Variants in PPP4R2 observed in about 807,000 individuals in gnomAD.
PPP4R2 encodes the protein serine/threonine-protein phosphatase 4 regulatory subunit 2.
Under a neutral mutation model 47.2 loss-of-function variants are expected in PPP4R2, and 13 were observed. The ratio of observed to expected loss-of-function variants is 0.28; its 90% CI spans 0.18 to 0.44. PPP4R2 has a LOEUF of 0.44. Ranked by LOEUF, PPP4R2 falls within the 20% of genes least tolerant of loss-of-function variation. The pLI is 1.00. For missense variants in PPP4R2, 421 were observed against 491.2 expected (o/e 0.86, Z 1.35); for synonymous variants, 151 against 163.3 (o/e 0.92, Z 0.57).
intron 2 of PPP4R2, among the ~76,000 whole-genome samples, chr3:73,042,361 CTTTTTTTTTTTTT>C (rs10709279): frequency 1.3e-5 from 1 of 75,928 alleles, no homozygotes; most frequent in African/African-American, 4.7e-5. Flanking sequence ...AATATAATTT[CTTTTTTTTTTTTT>C]TTTTTTTTGA....
intron 2 of PPP4R2, among the ~76,000 whole-genome samples, chr3:72,998,549 T>C (rs1459920352): frequency 6.6e-6 from 1 of 152,192 alleles, no homozygotes; most frequent in African/African-American, 2.4e-5. Context: ...TATTTTCTCA[T>C]ATTGTCGTGT....
At chr3:73,051,583 C>T (rs777554423) in intron 3 of PPP4R2, among the ~76,000 whole-genome samples, 23 of 152,018 alleles carry the variant, frequency 1.5e-4, no homozygotes, top group Non-Finnish European at 2.5e-4. Flanking sequence ...AAAGATTATC[C>T]GCTTTCTAAA....
At chr3:73,056,665 C>A (rs1177304716) in intron 3 of PPP4R2, among the ~76,000 whole-genome samples, 1 of 152,136 alleles carries the variant, frequency 6.6e-6, no homozygotes, top group Non-Finnish European at 1.5e-5. Context: ...AGAACTTAAA[C>A]TCGTTTTATC....
chr3:73,050,959 G>A (rs976646502), intron 3 of PPP4R2, among the ~76,000 whole-genome samples: 5 of 152,106 alleles, frequency 3.3e-5, no homozygotes, highest in African/African-American at 1.2e-4. Context: ...TTGCTGCTCA[G>A]GCTGGAGTGC....
Position 73,047,261 on chromosome 3 carries a change from T to A in PPP4R2, c.192T>A (p.Ala64=). The A allele has an allele frequency of 6.2e-7, 1 of 1,607,938 alleles. No individual in the cohort carries two copies. The highest frequency in any genetic ancestry group is 1.1e-5 in the South Asian group (1 of 90,336). Reference sequence around the variant, plus strand: ...TGATGGATGATTTCAGAACTTCAGCTCCTGAGCCAAGAGGTCCTCCCAACC... The same window carrying A: ...TGATGGATGATTTCAGAACTTCAGCACCTGAGCCAAGAGGTCCTCCCAACC... ...EKVMDDFRTS[A]PEPRGPPNPN... Residue 64 remains alanine (A), a synonymous_variant, in exon 3 of 9, where the codon GCT becomes GCA. Transcript: ENST00000356692.
At chr3:73,018,069 G>A (rs1701876580) in intron 2 of PPP4R2, among the ~76,000 whole-genome samples, 2 of 152,142 alleles carry the variant, frequency 1.3e-5, no homozygotes, top group Admixed American at 1.3e-4. Flanking sequence ...AGGAGGTATG[G>A]TCACTCTATT....
At chr3:73,021,233 ATT>A (rs1225973970) in intron 2 of PPP4R2, among the ~76,000 whole-genome samples, 39 of 56,014 alleles carry the variant, frequency 7.0e-4, no homozygotes, top group African/African-American at 1.8e-3. Context: ...TTAAAAAAAA[ATT>A]TTTTTTTTTT....
intron 5 of PPP4R2, chr3:73,062,040 A>G: frequency 7.0e-7 from 1 of 1,425,782 alleles, no homozygotes; most frequent in Non-Finnish European, 9.4e-7. Flanking sequence ...GTATTTTGGA[A>G]AAATGGTAAA....
At chr3:73,043,215 C>T (rs903515933) in intron 2 of PPP4R2, among the ~76,000 whole-genome samples, 1 of 152,026 alleles carries the variant, frequency 6.6e-6, no homozygotes, top group Non-Finnish European at 1.5e-5. Context: ...TGTGGAGAGT[C>T]TCATAAAATT....
chr3:73,037,067 G>C (rs1702277972), intron 2 of PPP4R2, among the ~76,000 whole-genome samples: 1 of 152,004 alleles, frequency 6.6e-6, no homozygotes, highest in Non-Finnish European at 1.5e-5. Flanking sequence ...AATGATTATT[G>C]TCTTCTTTGC....
At chr3:73,005,761 G>A (rs13094063) in intron 2 of PPP4R2, among the ~76,000 whole-genome samples, 57,094 of 149,006 alleles carry the variant, frequency 0.38, 11,303 homozygotes, top group African/African-American at 0.44. Context: ...GATCCCGGGA[G>A]GCAGAGGTTA....
chr3:73,017,660 G>A (rs943959219), intron 2 of PPP4R2, among the ~76,000 whole-genome samples: 7 of 152,144 alleles, frequency 4.6e-5, no homozygotes, highest in Non-Finnish European at 5.9e-5. Context: ...ATGCATTTTG[G>A]AAACTCTTGA....
At position 73,023,433 on chromosome 3, in the gene PPP4R2, G is replaced by A. The variant is rs139802729; in HGVS notation, c.117-23753G>A. Among the ~76,000 whole-genome samples, 883 of 152,140 alleles carry A rather than the reference G, an allele frequency of 5.8e-3. 14 individuals carry two copies. Among genetic ancestry groups the A allele is most frequent in the African/African-American group, 0.02 (835 of 41,522 alleles). On this transcript the variant is annotated intron_variant, in intron 2 of 8. Transcript: ENST00000356692. ...ACTGCTGACCTCAGGTGATCCACCC[G>A]CCTTGGCCTCACAAAGTGCTGGGAT...
At chr3:73,030,041 T>A (rs1702139567) in intron 2 of PPP4R2, among the ~76,000 whole-genome samples, 1 of 152,138 alleles carries the variant, frequency 6.6e-6, no homozygotes, top group African/African-American at 2.4e-5. Flanking sequence ...AGGACTTTTA[T>A]TACAAAGCAC....
chr3:73,003,359 G>C (rs1424443050), intron 2 of PPP4R2, among the ~76,000 whole-genome samples: 1 of 151,568 alleles, frequency 6.6e-6, no homozygotes, highest in East Asian at 2.0e-4. Context: ...TTACTGGCAC[G>C]TGCCACCATT....
rs1383653630 is a variant in PPP4R2, at chr3:73,016,739, A to AT, written c.116+18583dup. ...CTTTATTGGTTCATTGTTTATTTTTATTATTTTTTTTTTTTAATACAGAGT... is the reference window on the plus strand; with the variant it reads ...CTTTATTGGTTCATTGTTTATTTTTATTTATTTTTTTTTTTTAATACAGAGT... On this transcript the variant is annotated intron_variant, in intron 2 of 8. Coordinates refer to ENST00000356692, the MANE Select transcript of PPP4R2 (RefSeq NM_174907.4). Among the ~76,000 whole-genome samples the AT allele has an allele frequency of 1.4e-4, 14 of 98,514 alleles. 1 individual carries two copies. The highest frequency in any genetic ancestry group is 5.6e-4 in the African/African-American group (13 of 23,096). The allele number at this position is 98,514 out of a possible 152,430, so 64.6% of individuals were successfully genotyped here.
chr3:73,016,813 CTTTTT>C (rs1207946652), intron 2 of PPP4R2, among the ~76,000 whole-genome samples: 28,463 of 69,854 alleles, frequency 0.41, 4,674 homozygotes, highest in Non-Finnish European at 0.44. Flanking sequence ...TTCATTGTTT[CTTTTT>C]TTTTTTTTTT....
chr3:73,031,851 CT>C (rs1702170652), intron 2 of PPP4R2, among the ~76,000 whole-genome samples: 1 of 152,204 alleles, frequency 6.6e-6, no homozygotes, highest in Non-Finnish European at 1.5e-5. Flanking sequence ...TCTCCCCATC[CT>C]GAGTTTCTTG....
At chr3:72,997,097 T>C (rs1262899058) in intron 1 of PPP4R2, 26 bp downstream of exon 1, 9 of 1,360,064 alleles carry the variant, frequency 6.6e-6, no homozygotes, top group Non-Finnish European at 7.7e-6. Flanking sequence ...CCCTCTCCAT[T>C]CCCCCTCACC....
Sources: allele counts gnomAD v4.1 joint callset (sites outside exome capture counted in the v4.1 genomes callset), GRCh38; gene constraint gnomAD v4.1.1; transcripts MANE v1.5; gene names NCBI Gene and HGNC (gene_info 2026-07-23, HGNC 2026-07-21).